Variants in STXBP5L observed in about 807,000 individuals in gnomAD.
STXBP5L encodes syntaxin-binding protein 5-like.
A neutral mutation model predicts 144.5 loss-of-function variants in STXBP5L; 65 were observed. The observed-to-expected ratio is 0.45, with a 90% CI of 0.37 to 0.55. The LOEUF (loss-of-function observed/expected upper bound fraction) is 0.55. Among genes scored for constraint, STXBP5L ranks in the 20% least tolerant of loss-of-function variants. The pLI is 0.00. For missense variants in STXBP5L, 1,298 were observed against 1,405.5 expected (o/e 0.92, Z 1.22); for synonymous variants, 505 against 469.6 (o/e 1.08, Z -0.97).
rs557744295 is a variant in STXBP5L, at chr3:121,134,125, C to T, written c.669+12421C>T. On this transcript the variant is annotated intron_variant, in intron 7 of 26. Transcript: ENST00000471454. ...AATTTATTTATTACATTTATGAAGGCTGGGGAGTCTGAGGTCTAGGGAAGG... is the reference window on the plus strand; with the variant it reads ...AATTTATTTATTACATTTATGAAGGTTGGGGAGTCTGAGGTCTAGGGAAGG... Among the ~76,000 whole-genome samples the T allele has an allele frequency of 2.0e-5, 3 of 152,184 alleles. No homozygotes were observed. The East Asian group carries it at 5.8e-4, about 29-fold the overall frequency.
chr3:121,083,217 C>CA lies in STXBP5L; in HGVS notation c.471-31700dup, dbSNP rs199924969. ...TGTCTCAAAAAAACAACCAAAAAAA[C>CA]AAAAAAAATCACTTTTACATTTCTA... On this transcript the variant is annotated intron_variant, in intron 5 of 26. Coordinates refer to ENST00000471454, the MANE Select transcript of STXBP5L (RefSeq NM_001308330.2). Among the ~76,000 whole-genome samples, 856 of 151,578 alleles carry CA rather than the reference C, an allele frequency of 5.6e-3. 4 individuals carry two copies. The highest frequency in any genetic ancestry group is 0.016 in the African/African-American group (671 of 41,396).
chr3:121,123,691 G>A (rs1318360700), intron 7 of STXBP5L, among the ~76,000 whole-genome samples: 1 of 151,688 alleles, frequency 6.6e-6, no homozygotes, highest in Non-Finnish European at 1.5e-5. Flanking sequence ...AGAATATAAT[G>A]TGGCAATTGT....
intron 22 of STXBP5L, among the ~76,000 whole-genome samples, chr3:121,398,747 T>C (rs924034196): frequency 2.6e-5 from 4 of 152,170 alleles, no homozygotes; most frequent in African/African-American, 7.2e-5. Context: ...TTACCTCCAA[T>C]ACCATCACAG....
intron 3 of STXBP5L, among the ~76,000 whole-genome samples, chr3:120,992,483 C>T (rs974261776): frequency 6.6e-6 from 1 of 152,050 alleles, no homozygotes; most frequent in African/African-American, 2.4e-5. Context: ...TGTTAAACTA[C>T]CATTCTACAC....
intron 11 of STXBP5L, among the ~76,000 whole-genome samples, chr3:121,226,511 C>T (rs181065996): frequency 7.2e-4 from 109 of 152,154 alleles, no homozygotes; most frequent in African/African-American, 2.5e-3. Context: ...CCTATGGGTA[C>T]GGTTTGTGTC....
At chr3:121,386,756 A>G (rs1333000981) in intron 22 of STXBP5L, among the ~76,000 whole-genome samples, 8 of 152,194 alleles carry the variant, frequency 5.3e-5, no homozygotes. Context: ...ATGGCTGCGT[A>G]GTATTACATG....
chr3:121,139,559 A>G (rs1348718331), intron 7 of STXBP5L, among the ~76,000 whole-genome samples: 2 of 152,104 alleles, frequency 1.3e-5, no homozygotes, highest in Non-Finnish European at 1.5e-5. Flanking sequence ...CAATCACACT[A>G]TAAGAACAGA....
At chr3:121,293,039 A>T (rs917559080) in intron 19 of STXBP5L, among the ~76,000 whole-genome samples, 25 of 152,302 alleles carry the variant, frequency 1.6e-4, no homozygotes, top group South Asian at 8.3e-4. Flanking sequence ...CGAAAAAAAA[A>T]TTTTAAATTT....
intron 3 of STXBP5L, among the ~76,000 whole-genome samples, chr3:121,006,301 A>C (rs542319374): frequency 1.9e-4 from 29 of 152,230 alleles, no homozygotes; most frequent in African/African-American, 7.0e-4. Flanking sequence ...CTTTACCATT[A>C]TGTAATGGCC....
At chr3:121,347,473 G>T (rs997285215) in intron 20 of STXBP5L, among the ~76,000 whole-genome samples, 4 of 152,126 alleles carry the variant, frequency 2.6e-5, no homozygotes, top group African/African-American at 9.7e-5. Flanking sequence ...CTTTAAAGTA[G>T]TTTTTTCCAA....
At chr3:120,927,828 A>G (rs1172638475) in intron 2 of STXBP5L, among the ~76,000 whole-genome samples, 1 of 152,126 alleles carries the variant, frequency 6.6e-6, no homozygotes, top group Admixed American at 6.5e-5. Context: ...GCCATTTTGG[A>G]ACCTGTAGTC....
At chr3:121,015,101 T>G (rs574232928) in intron 3 of STXBP5L, among the ~76,000 whole-genome samples, 2 of 152,126 alleles carry the variant, frequency 1.3e-5, no homozygotes, top group Non-Finnish European at 2.9e-5. Flanking sequence ...TGCTAGAGAT[T>G]CAATCCAATC....
chr3:121,197,696 T>G (rs1185012445), intron 9 of STXBP5L, among the ~76,000 whole-genome samples: 3 of 152,094 alleles, frequency 2.0e-5, no homozygotes, highest in Admixed American at 1.3e-4. Context: ...GATGTTCCCC[T>G]CCCTGGGTCC....
At chr3:121,319,765 C>A (rs1318743104) in intron 20 of STXBP5L, among the ~76,000 whole-genome samples, 1 of 152,076 alleles carries the variant, frequency 6.6e-6, no homozygotes, top group Non-Finnish European at 1.5e-5. Flanking sequence ...GCTTATAAAT[C>A]TTCGATATAA....
At chr3:121,381,266 GT>G (rs1199597927) in intron 21 of STXBP5L, 26 bp from the exon 22 acceptor site, 6 of 1,468,478 alleles carry the variant, frequency 4.1e-6, no homozygotes, top group East Asian at 2.5e-5. Flanking sequence ...AACAATTTGT[GT>G]GGTTTTTTTT....
chr3:121,096,109 G>GC (rs35783902), intron 5 of STXBP5L, among the ~76,000 whole-genome samples: 1 of 151,808 alleles, frequency 6.6e-6, no homozygotes, highest in Non-Finnish European at 1.5e-5. Flanking sequence ...CCACTATCCT[G>GC]CCCCCCACTG....
intron 9 of STXBP5L, among the ~76,000 whole-genome samples, chr3:121,197,501 ATTTAC>A (rs2047967575): frequency 6.6e-6 from 1 of 151,816 alleles, no homozygotes; most frequent in Non-Finnish European, 1.5e-5. Flanking sequence ...TTATTTATTT[ATTTAC>A]TTTAAGTTCT....
chr3:121,236,570 C>T (rs750573482), intron 12 of STXBP5L, among the ~76,000 whole-genome samples: 1 of 152,060 alleles, frequency 6.6e-6, no homozygotes, highest in African/African-American at 2.4e-5. Context: ...CTCATGGGAA[C>T]GAAGAGTGGG....
At chr3:121,231,682 G>C (rs1022206301) in intron 11 of STXBP5L, among the ~76,000 whole-genome samples, 2 of 152,210 alleles carry the variant, frequency 1.3e-5, no homozygotes, top group Admixed American at 6.5e-5. Flanking sequence ...GGTACTTATG[G>C]AGATTCCTTC....
Sources: gnomAD v4.1 joint callset for allele counts (sites outside exome capture counted in the v4.1 genomes callset) on GRCh38, gnomAD v4.1.1 for gene constraint, MANE v1.5 for transcripts, NCBI Gene and HGNC (gene_info 2026-07-23, HGNC 2026-07-21) for gene names.